The following GYG2 variants were observed in gnomAD, a reference collection of about 807,000 sequenced individuals.
GYG2 encodes glycogenin-2.
In GYG2, 29 loss-of-function variants were observed where a neutral mutation model predicts 29.4. The ratio of observed to expected loss-of-function variants is 0.99; its 90% CI spans 0.74 to 1.35. The LOEUF is 1.35. GYG2 is among the 40% of genes most tolerant of loss of function. GYG2 has a pLI of 0.00. For synonymous variants in GYG2, 167 were observed against 172.3 expected, an observed-to-expected ratio of 0.97 and a Z score of 0.24; for missense variants, 370 against 385.7, an observed-to-expected ratio of 0.96 and a Z score of 0.34.
rs1376817264 is a variant in GYG2, at chrX:2,881,307, C to T, written c.*94C>T. 8 of 731,428 alleles carry T rather than the reference C, an allele frequency of 1.1e-5. No homozygotes were observed. Among genetic ancestry groups the T allele is most frequent in the Non-Finnish European group, 1.6e-5 (8 of 514,932 alleles). 60.3% of individuals were successfully genotyped at this position (731,428 alleles called of 1,213,427 possible). A position where few individuals can be genotyped will look rare whatever the true frequency, so the allele number is the denominator to read the frequency against. Reference sequence around the variant, plus strand: ...CTCCTCTGGTCCTTTCAAAGGGAAACGCTGTTGAACCTTGTGCCTCTATTT... The same window carrying T: ...CTCCTCTGGTCCTTTCAAAGGGAAATGCTGTTGAACCTTGTGCCTCTATTT... On this transcript the variant is annotated 3_prime_UTR_variant, in exon 11 of 11. Transcript: ENST00000398806.
chrX:2,844,412 A>C (rs1370100408), intron 3 of GYG2, among the ~76,000 whole-genome samples: 1 of 111,341 alleles, frequency 9.0e-6, no homozygotes, highest in Non-Finnish European at 1.9e-5. Flanking sequence ...ACAAGACAGA[A>C]AATTTAAATC....
At chrX:2,863,519 G>A (rs767894592) in intron 8 of GYG2, among the ~76,000 whole-genome samples, 39 of 112,261 alleles carry the variant, frequency 3.5e-4, no homozygotes, top group African/African-American at 1.1e-3. Flanking sequence ...CGGGAGAGCC[G>A]TTTCTTGTTG....
chrX:2,850,583 A>C (rs776825046), intron 3 of GYG2, among the ~76,000 whole-genome samples: 101 of 111,306 alleles, frequency 9.1e-4, no homozygotes, highest in African/African-American at 3.1e-3. Context: ...GCATGTACAC[A>C]TCCAGATGGC....
At chrX:2,874,371 C>T (rs2088546742) in intron 8 of GYG2, among the ~76,000 whole-genome samples, 1 of 112,497 alleles carries the variant, frequency 8.9e-6, no homozygotes, top group Non-Finnish European at 1.9e-5. Context: ...CATTTCCAGT[C>T]GTTCTACATC....
intron 8 of GYG2, among the ~76,000 whole-genome samples, chrX:2,867,498 C>G (rs1044671800): frequency 9.0e-6 from 1 of 111,362 alleles, no homozygotes; most frequent in Non-Finnish European, 1.9e-5. Context: ...GAAGGGGAGG[C>G]AGGGAGAGGT....
At position 2,856,744 on chromosome X, in the gene GYG2, CT is replaced by C. The variant is rs1212893781; in HGVS notation, c.614+121del. ...CTCTATCTATCTATCTATCATCTAT[CT>C]ATCTATGTATCTATCTATCTATCTA... On this transcript the variant is annotated intron_variant, in intron 6 of 10. Coordinates refer to ENST00000398806, the MANE Select transcript of GYG2 (RefSeq NM_001079855.2). The C allele has an allele frequency of 3.5e-3, 1,466 of 420,635 alleles. 2 individuals are homozygous for C. The highest frequency in any genetic ancestry group is 5.1e-3 in the Non-Finnish European group (1,267 of 250,066). The allele number at this position is 420,635 out of a possible 1,213,427, so 34.7% of individuals were successfully genotyped here.
chrX:2,838,480 T>TC (rs2087428896), intron 2 of GYG2, among the ~76,000 whole-genome samples: 1 of 94,597 alleles, frequency 1.1e-5, no homozygotes, highest in East Asian at 4.0e-4. Context: ...TCTTTCTTTC[T>TC]TTTTTCTTTT....
intron 2 of GYG2, among the ~76,000 whole-genome samples, chrX:2,830,716 T>C (rs2087245044): frequency 9.0e-6 from 1 of 110,612 alleles, no homozygotes; most frequent in South Asian, 3.9e-4. Flanking sequence ...AGGCCAGGAG[T>C]TTGAGACCAT....
intron 8 of GYG2, among the ~76,000 whole-genome samples, chrX:2,871,083 G>A (rs1413540971): frequency 9.1e-6 from 1 of 110,014 alleles, no homozygotes; most frequent in Admixed American, 9.8e-5. Context: ...ATCTGGGGCT[G>A]AGCTGGAGGG....
chrX:2,835,688 GAGGC>G (rs759940572), intron 2 of GYG2, among the ~76,000 whole-genome samples: 51 of 110,422 alleles, frequency 4.6e-4, no homozygotes, highest in African/African-American at 1.5e-3. Flanking sequence ...GGAGCTGGAA[GAGGC>G]AGGAAGGACC....
chrX:2,869,226 T>C (rs1171256705), intron 8 of GYG2, among the ~76,000 whole-genome samples: 2 of 112,316 alleles, frequency 1.8e-5, no homozygotes, highest in Non-Finnish European at 3.8e-5. Context: ...ACATAGCATG[T>C]GCATTGTAAT....
intron 3 of GYG2, among the ~76,000 whole-genome samples, chrX:2,846,871 G>A (rs1330324781): frequency 6.2e-5 from 7 of 112,511 alleles, no homozygotes. Context: ...ACCCTTTACA[G>A]TAGTGACACT....
At chrX:2,838,810 A>G (rs955411857) in intron 2 of GYG2, among the ~76,000 whole-genome samples, 1 of 111,342 alleles carries the variant, frequency 9.0e-6, no homozygotes, top group Non-Finnish European at 1.9e-5. Context: ...TTATCCTTGG[A>G]GTGATCTTTT....
chrX:2,879,921 G>A (rs971298244), intron 10 of GYG2, among the ~76,000 whole-genome samples: 6 of 111,039 alleles, frequency 5.4e-5, no homozygotes, highest in Non-Finnish European at 1.1e-4. Context: ...ATGGATGGAT[G>A]GATGGATGGA....
At chrX:2,846,325 C>T (rs949813903) in intron 3 of GYG2, among the ~76,000 whole-genome samples, 11 of 107,053 alleles carry the variant, frequency 1.0e-4, no homozygotes, top group African/African-American at 3.7e-4. Context: ...CCTCCGCCTC[C>T]CAAAGTGCCA....
intron 10 of GYG2, 56 bp downstream of exon 10, chrX:2,877,363 C>T: frequency 8.4e-7 from 1 of 1,189,595 alleles, no homozygotes; most frequent in Non-Finnish European, 1.1e-6. Context: ...CATCCACCGT[C>T]ACTGAGGTCA....
At chrX:2,850,833 G>C (rs963034224) in intron 3 of GYG2, among the ~76,000 whole-genome samples, 2 of 109,342 alleles carry the variant, frequency 1.8e-5, no homozygotes, top group Non-Finnish European at 1.9e-5. Context: ...ATCTCCCTTC[G>C]CTGACTCTCT....
Position 2,847,416 on chromosome X carries a change from C to T in GYG2, c.149+4062C>T, listed in dbSNP as rs914469968. Reference sequence around the variant, plus strand: ...AACAAAAAGAATTCCAGGCCGGCCACGGTGGCTCATGCCTGTAATCCCAAC... The same window carrying T: ...AACAAAAAGAATTCCAGGCCGGCCATGGTGGCTCATGCCTGTAATCCCAAC... On this transcript the variant is annotated intron_variant, in intron 3 of 10. Transcript: ENST00000398806. 1.9e-4 allele frequency among the ~76,000 whole-genome samples: 21 copies of T among 108,551 alleles called. No homozygotes were observed. The East Asian group carries it at 3.7e-3, about 19-fold the overall frequency. 94.3% of individuals were successfully genotyped at this position (108,551 alleles called of 115,157 possible). A position where few individuals can be genotyped will look rare whatever the true frequency, so the allele number is the denominator to read the frequency against.
chrX:2,873,999 G>T (rs1042386901), intron 8 of GYG2, among the ~76,000 whole-genome samples: 4 of 111,464 alleles, frequency 3.6e-5, no homozygotes, highest in Non-Finnish European at 7.5e-5. Context: ...AAGAGGCTGA[G>T]ATAGGAGAAT....
Sources: allele counts gnomAD v4.1 joint callset (sites outside exome capture counted in the v4.1 genomes callset), GRCh38; gene constraint gnomAD v4.1.1; transcripts MANE v1.5; gene names NCBI Gene and HGNC (gene_info 2026-07-23, HGNC 2026-07-21).